Variants in EBF2 observed in about 807,000 individuals in gnomAD.
EBF2 encodes the protein transcription factor COE2.
EBF2 carries 21 observed loss-of-function variants against 72.8 expected under a neutral mutation model. The observed-to-expected ratio is 0.29, with a 90% CI of 0.20 to 0.42. EBF2 has a LOEUF of 0.42. Ranked by LOEUF, EBF2 falls within the 10% of genes least tolerant of loss-of-function variation. The pLI, the probability that EBF2 is intolerant of heterozygous loss-of-function variation, is 1.00. For synonymous variants in EBF2, 299 were observed against 274.2 expected, an observed-to-expected ratio of 1.09 and a Z score of -0.89; for missense variants, 637 against 731.2, an observed-to-expected ratio of 0.87 and a Z score of 1.49.
intron 7 of EBF2, among the ~76,000 whole-genome samples, chr8:25,892,155 A>G (rs576115503): frequency 3.9e-5 from 6 of 152,346 alleles, no homozygotes; most frequent in Non-Finnish European, 7.4e-5. Flanking sequence ...GATAAAGTGT[A>G]ATTTATAAGT....
intron 7 of EBF2, among the ~76,000 whole-genome samples, chr8:25,903,183 C>G (rs11987432): frequency 0.094 from 13,347 of 142,198 alleles, 2,134 homozygotes; most frequent in African/African-American, 0.33. Flanking sequence ...GACATTTTGT[C>G]TGGGTTTTTT....
intron 6 of EBF2, among the ~76,000 whole-genome samples, chr8:26,023,748 G>T (rs1334678682): frequency 6.6e-6 from 1 of 152,136 alleles, no homozygotes; most frequent in Non-Finnish European, 1.5e-5. Context: ...GGGACAAGCG[G>T]CAACATCAAC....
At chr8:26,019,391 C>A (rs796567364) in intron 6 of EBF2, among the ~76,000 whole-genome samples, 5 of 152,238 alleles carry the variant, frequency 3.3e-5, no homozygotes, top group Admixed American at 1.3e-4. Context: ...CTGAAGAGAC[C>A]AAGATATTCC....
intron 14 of EBF2, among the ~76,000 whole-genome samples, chr8:25,851,708 A>G (rs1563374400): frequency 6.6e-6 from 1 of 152,322 alleles, no homozygotes; most frequent in East Asian, 1.9e-4. Flanking sequence ...ATGACTTGAC[A>G]AAAGTGTTGT....
intron 10 of EBF2, among the ~76,000 whole-genome samples, chr8:25,885,331 TCACCATC>T (rs1022296329): frequency 2.0e-5 from 3 of 152,178 alleles, no homozygotes; most frequent in African/African-American, 7.2e-5. Flanking sequence ...ACAACCATCA[TCACCATC>T]CATATCCAGA....
At chr8:25,849,229 G>T (rs1450009688) in intron 15 of EBF2, among the ~76,000 whole-genome samples, 1 of 152,172 alleles carries the variant, frequency 6.6e-6, no homozygotes, top group Non-Finnish European at 1.5e-5. Flanking sequence ...TGAGTACTGG[G>T]TTTTCCATTC....
intron 6 of EBF2, among the ~76,000 whole-genome samples, chr8:25,948,032 C>T (rs911861285): frequency 2.0e-5 from 3 of 152,214 alleles, no homozygotes; most frequent in Non-Finnish European, 2.9e-5. Flanking sequence ...AGGCCACGCA[C>T]GATGCCAGAA....
chr8:25,929,478 ACT>A (rs1357510665), intron 6 of EBF2, among the ~76,000 whole-genome samples: 6 of 152,120 alleles, frequency 3.9e-5, no homozygotes, highest in Admixed American at 2.0e-4. Flanking sequence ...TTGTGGGCTT[ACT>A]CTGTTTTTAA....
chr8:25,980,559 C>G (rs184488683), intron 6 of EBF2, among the ~76,000 whole-genome samples: 5 of 152,080 alleles, frequency 3.3e-5, no homozygotes, highest in African/African-American at 1.2e-4. Flanking sequence ...CATTCTTTAC[C>G]GAATGGATCC....
In EBF2 at chr8:25,889,764, C is replaced by T. The variant is rs751281440; in HGVS notation, c.739G>A (p.Asp247Asn). ...SKHGRRARRL[D>N]PSEATPCIKA... The stretch of plus-strand genomic sequence containing the variant: ...CAGGCAGCCCTACCTTCCGATGGAT[C>T]GAGTCTTCTTGCTCTCCGTCCATGC... Residue 247 changes from aspartate to asparagine, a missense_variant, in exon 8 of 16, where the codon GAT becomes AAT. Transcript: ENST00000520164. 15 of 1,613,594 alleles carry T rather than the reference C, an allele frequency of 9.3e-6. No homozygotes were observed. The highest frequency in any genetic ancestry group is 6.7e-5 in the Admixed American group (4 of 59,998).
chr8:25,844,830 C>T (rs2117240360), intron 15 of EBF2, among the ~76,000 whole-genome samples, 190 bp from the exon 16 acceptor site: 1 of 152,260 alleles, frequency 6.6e-6, no homozygotes, highest in East Asian at 1.9e-4. Context: ...GCACTGAAGC[C>T]TTATGGAATC....
At chr8:26,032,998 A>C in intron 6 of EBF2, 87 bp downstream of exon 6, 1 of 1,291,148 alleles carries the variant, frequency 7.7e-7, no homozygotes, top group Admixed American at 1.7e-5. Flanking sequence ...CCAACTTGAC[A>C]GCAAAGCTCC....
At chr8:25,859,818 T>C (rs1802177859) in intron 13 of EBF2, among the ~76,000 whole-genome samples, 1 of 151,578 alleles carries the variant, frequency 6.6e-6, no homozygotes, top group Non-Finnish European at 1.5e-5. Context: ...CTGGACTCAA[T>C]CTATCCTCCC....
At chr8:25,955,811 T>C (rs1354123046) in intron 6 of EBF2, among the ~76,000 whole-genome samples, 1 of 152,070 alleles carries the variant, frequency 6.6e-6, no homozygotes, top group Non-Finnish European at 1.5e-5. Flanking sequence ...CTACCTTCTG[T>C]GTTTGGTGAA....
At chr8:25,948,099 A>G (rs1294977699) in intron 6 of EBF2, among the ~76,000 whole-genome samples, 1 of 151,950 alleles carries the variant, frequency 6.6e-6, no homozygotes, top group Admixed American at 6.5e-5. Flanking sequence ...ATTCATTCAT[A>G]GAGTCATTCT....
intron 6 of EBF2, among the ~76,000 whole-genome samples, chr8:25,922,254 A>AC (rs113504061): frequency 6.6e-6 from 1 of 151,512 alleles, no homozygotes; most frequent in African/African-American, 2.4e-5. Flanking sequence ...TTTGCTTAAA[A>AC]AAAAAAAACA....
intron 6 of EBF2, among the ~76,000 whole-genome samples, chr8:26,024,308 C>T (rs1387419855): frequency 6.6e-6 from 1 of 152,058 alleles, no homozygotes; most frequent in Non-Finnish European, 1.5e-5. Flanking sequence ...TTTTATGGTA[C>T]TTTTTGCATT....
chr8:26,040,215 A>C, intron 4 of EBF2, 114 bp from the exon 5 acceptor site: 1 of 1,143,664 alleles, frequency 8.7e-7, no homozygotes, highest in Non-Finnish European at 1.3e-6. Context: ...CTGCCACCGC[A>C]TTAGGAATTC....
Position 25,886,874 on chromosome 8 carries a change from G to C in EBF2, c.890C>G (p.Thr297Ser). The C allele has an allele frequency of 2.5e-6, 4 of 1,611,968 alleles. No individual in the cohort carries two copies. Among genetic ancestry groups the C allele is most frequent in the Non-Finnish European group, 2.5e-6 (3 of 1,178,976 alleles). The change falls in exon 10 of 16, where the codon ACC becomes AGC. Residue 297 changes from threonine to serine, a missense_variant. Physicochemically the swap from Thr to Ser is moderately conservative, Grantham distance 58 (BLOSUM62 1). Coordinates refer to ENST00000520164, the MANE Select transcript of EBF2 (RefSeq NM_022659.4). ...AGTCTGTACTCTGATGGCATGAGGG[G>C]TTATTAGCTGAGGAATGAACAGGCA... The part of the protein sequence containing the change: ...GTMLVWSELI[T>S]PHAIRVQTPP...
Sources: gnomAD v4.1 joint callset for allele counts (sites outside exome capture counted in the v4.1 genomes callset) on GRCh38, gnomAD v4.1.1 for gene constraint, MANE v1.5 for transcripts, NCBI Gene and HGNC (gene_info 2026-07-23, HGNC 2026-07-21) for gene names.